Variants in WNK3 observed in about 807,000 individuals in gnomAD.
WNK3 encodes the protein serine/threonine-protein kinase WNK3.
In WNK3, 18 loss-of-function variants were observed where a neutral mutation model predicts 116.7. That is an observed-to-expected ratio of 0.15 (90% CI 0.11 to 0.23). The LOEUF (loss-of-function observed/expected upper bound fraction) is 0.23, where lower values mean the gene tolerates loss of function less well. Ranked by LOEUF, WNK3 falls within the 10% of genes least tolerant of loss-of-function variation. The pLI, the probability that WNK3 is intolerant of heterozygous loss-of-function variation, is 1.00. For missense variants in WNK3, 993 were observed against 1,323.8 expected, an observed-to-expected ratio of 0.75 and a Z score of 3.88; for synonymous variants, 404 against 469.4, an observed-to-expected ratio of 0.86 and a Z score of 1.80.
chrX:54,309,556 G>A (rs537193565), intron 3 of WNK3, among the ~76,000 whole-genome samples: 10 of 110,994 alleles, frequency 9.0e-5, no homozygotes, highest in Middle Eastern at 9.3e-3. Flanking sequence ...TTTTTAAGAC[G>A]AAGTCTCACT....
At chrX:54,208,060 A>G (rs1220080662) in intron 22 of WNK3, among the ~76,000 whole-genome samples, 1 of 111,245 alleles carries the variant, frequency 9.0e-6, no homozygotes, top group Non-Finnish European at 1.9e-5. Flanking sequence ...CCTAAAAAAG[A>G]CAAACATTAA....
exon 4 of WNK3, chrX:54,309,099 G>A: frequency 4.1e-6 from 5 of 1,206,043 alleles, no homozygotes; most frequent in Non-Finnish European, 5.6e-6. Flanking sequence ...AATCACCAAT[G>A]ACACTCTTAG....
At chrX:54,328,466 A>G (rs1485982481) in intron 2 of WNK3, among the ~76,000 whole-genome samples, 1 of 110,814 alleles carries the variant, frequency 9.0e-6, no homozygotes, top group Non-Finnish European at 1.9e-5. Context: ...TTCAAAAAAA[A>G]AAAAATTAGC....
At chrX:54,263,397 A>T (rs2068277625) in intron 10 of WNK3, among the ~76,000 whole-genome samples, 1 of 112,120 alleles carries the variant, frequency 8.9e-6, no homozygotes, top group South Asian at 3.7e-4. Context: ...CCTAATCCTA[A>T]TAAGCCTGCA....
At position 54,249,511 on chromosome X, in the gene WNK3, A is replaced by G. The variant is rs149437976; in HGVS notation, c.2837T>C (p.Ile946Thr). 6.2e-4 allele frequency: 754 copies of G among 1,210,049 alleles called. 5 individuals are homozygous for G. The African/African-American group carries it at 0.012, about 19-fold the overall frequency. ...GGTTTCTACACTAGCACATTCAGAA[A>G]TCTTACCATCAACCACATCCTTGTG... Residue 946 changes from isoleucine to threonine, a missense_variant, in exon 17 of 24, where the codon ATT becomes ACT. Physicochemically the swap from Ile to Thr is moderately conservative, Grantham distance 89 (BLOSUM62 -1). This residue lies in a region of WNK3 where 836 missense variants were observed against 976.5 expected (regional missense o/e 0.86). Coordinates refer to ENST00000354646, the Ensembl canonical transcript of WNK3.
At chrX:54,269,277 C>A in intron 10 of WNK3, among the ~76,000 whole-genome samples, 2 of 111,654 alleles carry the variant, frequency 1.8e-5, no homozygotes, top group East Asian at 2.8e-4. Context: ...TTTGAATAGG[C>A]ACTTCACCAA....
chrX:54,252,542 C>T (rs1250496609), intron 13 of WNK3, among the ~76,000 whole-genome samples: 1 of 108,605 alleles, frequency 9.2e-6, no homozygotes, highest in Non-Finnish European at 1.9e-5. Flanking sequence ...TGGTGGCGTG[C>T]GCCTGTAATC....
chrX:54,276,048 T>A (rs2068443238), intron 10 of WNK3, among the ~76,000 whole-genome samples: 1 of 110,352 alleles, frequency 9.1e-6, no homozygotes, highest in South Asian at 3.9e-4. Context: ...TAAAAAAAAA[T>A]GACTGTGTAG....
At chrX:54,214,737 G>T (rs1404451032) in intron 22 of WNK3, among the ~76,000 whole-genome samples, 1 of 110,839 alleles carries the variant, frequency 9.0e-6, no homozygotes, top group Non-Finnish European at 1.9e-5. Flanking sequence ...TCCAGGCTGG[G>T]CGCGGTGGCT....
chrX:54,301,242 C>CAAAAA (rs782232400), intron 6 of WNK3, among the ~76,000 whole-genome samples: 1 of 35,022 alleles, frequency 2.9e-5, no homozygotes, highest in African/African-American at 9.3e-5. Flanking sequence ...GACTCTGTCT[C>CAAAAA]AAAAAAAAAA....
At chrX:54,200,629 C>T (rs1557141424) in intron 23 of WNK3, among the ~76,000 whole-genome samples, 1 of 111,468 alleles carries the variant, frequency 9.0e-6, no homozygotes, top group African/African-American at 3.3e-5. Flanking sequence ...ACTGAGCTGA[C>T]ATTGGAACCC....
At chrX:54,285,278 C>A (rs782104846) in intron 10 of WNK3, among the ~76,000 whole-genome samples, 5 of 110,955 alleles carry the variant, frequency 4.5e-5, no homozygotes, top group Non-Finnish European at 7.6e-5. Context: ...CGGAGTGGTG[C>A]GCACCTGTGG....
chrX:54,285,605 G>A (rs1020665283), intron 10 of WNK3, among the ~76,000 whole-genome samples: 3 of 111,864 alleles, frequency 2.7e-5, no homozygotes, highest in Non-Finnish European at 5.6e-5. Flanking sequence ...GCGCCTATTT[G>A]TTTACATATT....
intron 1 of WNK3, among the ~76,000 whole-genome samples, chrX:54,343,282 G>A (rs917407380): frequency 1.8e-4 from 20 of 110,867 alleles, no homozygotes; most frequent in Non-Finnish European, 3.8e-4. Context: ...GCCGAGGAGG[G>A]TGGATCACGA....
chrX:54,311,657 A>G (rs1557169697), intron 2 of WNK3, among the ~76,000 whole-genome samples: 1 of 112,370 alleles, frequency 8.9e-6, no homozygotes, highest in Admixed American at 9.6e-5. Context: ...TAATGTCAGA[A>G]CAAGAACAAT....
At chrX:54,322,690 A>T (rs1333173146) in intron 2 of WNK3, among the ~76,000 whole-genome samples, 2 of 112,065 alleles carry the variant, frequency 1.8e-5, no homozygotes, top group Non-Finnish European at 3.8e-5. Context: ...ATTGCTTAAC[A>T]TATCTAAATT....
Position 54,249,421 on chromosome X carries a change from C to T in WNK3, c.2927G>A (p.Ser976Asn). 2.5e-6 allele frequency: 3 copies of T among 1,211,446 alleles called. No individual in the cohort carries two copies. The highest frequency in any genetic ancestry group is 2.2e-6 in the Non-Finnish European group (2 of 895,408). Residue 976 changes from serine (S) to asparagine (N), a missense_variant, in exon 17 of 24, where the codon AGT (serine) becomes AAT (asparagine). By Grantham distance (46) the Ser-to-Asn change is conservative (BLOSUM62 1). Transcript: ENST00000354646. ...AACTGAAGTAGTAGAGTAACTGGAA[C>T]TATTAGTAACTGGTGCCATTATCTG...
intron 10 of WNK3, among the ~76,000 whole-genome samples, chrX:54,279,845 C>T (rs950491918): frequency 1.8e-5 from 2 of 111,390 alleles, no homozygotes; most frequent in South Asian, 7.4e-4. Context: ...TAAACTAAGC[C>T]TGAATAAAGT....
intron 1 of WNK3, among the ~76,000 whole-genome samples, chrX:54,341,223 C>T (rs919948331): frequency 4.5e-5 from 5 of 110,292 alleles, no homozygotes; most frequent in Admixed American, 9.8e-5. Context: ...ATGGTGAAAC[C>T]CCATCTCTAC....
Sources: gnomAD v4.1 joint callset for allele counts (sites outside exome capture counted in the v4.1 genomes callset) on GRCh38, gnomAD v4.1.1 for gene constraint, gnomAD v4.1.1 regional missense constraint, MANE v1.5 for transcripts, NCBI Gene and HGNC (gene_info 2026-07-23, HGNC 2026-07-21) for gene names.